Variants in FHIT observed in about 807,000 individuals in gnomAD.
FHIT encodes fragile histidine triad diadenosine triphosphatase, also known as bis(5'-adenosyl)-triphosphatase.
A neutral mutation model predicts 17.9 loss-of-function variants in FHIT; 19 were observed. The ratio of observed to expected loss-of-function variants is 1.06; its 90% confidence interval spans 0.74 to 1.56. FHIT has a LOEUF of 1.56. FHIT is among the 40% of genes most tolerant of loss of function. The pLI is 0.00. For synonymous variants in FHIT, 81 were observed against 69.7 expected (o/e 1.16, Z -0.81); for missense variants, 248 against 189.2 (o/e 1.31, Z -1.82).
rs527870619 is a variant in FHIT, at chr3:60,956,908, A to G, written c.-111+85139T>C. Among the ~76,000 whole-genome samples the G allele has an allele frequency of 4.0e-4, 57 of 142,134 alleles. 1 individual carries two copies. Among genetic ancestry groups the G allele is most frequent in the South Asian group, 2.4e-3 (10 of 4,216 alleles). The allele number at this position is 142,134 out of a possible 152,430, so 93.2% of individuals were successfully genotyped here. ...ACAAAAAATGAATTGTGAATATTTC[A>G]GTTTCGGGGGGTCACACTGGGCAAA... is the stretch of plus-strand genomic sequence containing the variant. On this transcript the variant is annotated intron_variant, in intron 3 of 9. Coordinates refer to ENST00000492590, the MANE Select transcript of FHIT (RefSeq NM_002012.4).
intron 5 of FHIT, among the ~76,000 whole-genome samples, chr3:60,062,498 C>G (rs1372063939): frequency 6.6e-6 from 1 of 152,114 alleles, no homozygotes; most frequent in Non-Finnish European, 1.5e-5. Context: ...GAAAATAAAG[C>G]TTCAAAACTT....
chr3:60,920,308 G>A (rs939183565), intron 3 of FHIT, among the ~76,000 whole-genome samples: 7 of 152,080 alleles, frequency 4.6e-5, no homozygotes, highest in Non-Finnish European at 1.0e-4. Flanking sequence ...TGAGAGAAAA[G>A]CTTAAGATTG....
chr3:60,451,551 G>T (rs912468223), intron 5 of FHIT, among the ~76,000 whole-genome samples: 2 of 152,106 alleles, frequency 1.3e-5, no homozygotes, highest in Admixed American at 6.6e-5. Context: ...GAAGTTGTAT[G>T]AATGCAAAAT....
At chr3:60,365,132 C>T (rs1700055453) in intron 5 of FHIT, among the ~76,000 whole-genome samples, 1 of 148,456 alleles carries the variant, frequency 6.7e-6, no homozygotes, top group Non-Finnish European at 1.5e-5. Context: ...AATACTAAGA[C>T]CTATATATAC....
At chr3:60,122,071 T>C (rs1705282448) in intron 5 of FHIT, among the ~76,000 whole-genome samples, 1 of 144,860 alleles carries the variant, frequency 6.9e-6, no homozygotes, top group African/African-American at 2.6e-5. Context: ...AATGAGAGAA[T>C]GCACAAAAGT....
intron 5 of FHIT, among the ~76,000 whole-genome samples, chr3:60,183,899 C>T (rs1045038714): frequency 4.6e-5 from 7 of 152,096 alleles, no homozygotes; most frequent in Non-Finnish European, 2.9e-5. Flanking sequence ...ATATGCCACA[C>T]CTAGTTTCCA....
At chr3:60,783,096 G>T (rs1268929803) in intron 4 of FHIT, among the ~76,000 whole-genome samples, 1 of 152,036 alleles carries the variant, frequency 6.6e-6, no homozygotes, top group Non-Finnish European at 1.5e-5. Context: ...TGATTTTCCT[G>T]TCTCAGCCTC....
At chr3:59,967,056 AAC>A (rs142948532) in intron 7 of FHIT, among the ~76,000 whole-genome samples, 2 of 151,606 alleles carry the variant, frequency 1.3e-5, no homozygotes, top group Non-Finnish European at 2.9e-5. Flanking sequence ...GTTAAAAACC[AAC>A]ACACACACAC....
At chr3:60,114,036 AATATATATATATATATATATAT>A (rs1157736530) in intron 5 of FHIT, among the ~76,000 whole-genome samples, 17 of 10,220 alleles carry the variant, frequency 1.7e-3, no homozygotes, top group African/African-American at 3.6e-3. Context: ...AAAAAAAAAA[AATATATATATATATATATATAT>A]ATATATATAT....
At chr3:60,465,003 G>A (rs771318310) in intron 5 of FHIT, among the ~76,000 whole-genome samples, 1 of 151,954 alleles carries the variant, frequency 6.6e-6, no homozygotes, top group Non-Finnish European at 1.5e-5. Context: ...TTTTCTCAAC[G>A]TCCTCTCCAG....
rs1279161505 is a variant in FHIT at position 61,142,266 on chromosome 3, G to T, written c.-164+58351C>A. 3.3e-5 allele frequency among the ~76,000 whole-genome samples: 5 copies of T among 151,286 alleles called. No homozygotes were observed. The Admixed American group carries it at 3.3e-4, about 10-fold the overall frequency. On this transcript the variant is annotated intron_variant, in intron 2 of 9. Coordinates refer to ENST00000492590, the MANE Select transcript of FHIT (RefSeq NM_002012.4). ...TCCTCTGATTCCCTTTTCTCCCAGG[G>T]ACTAAAACTTTAGTCTGCTGAGTCA...
chr3:60,706,598 G>GT (rs2041379395), intron 4 of FHIT, among the ~76,000 whole-genome samples: 1 of 152,008 alleles, frequency 6.6e-6, no homozygotes, highest in Non-Finnish European at 1.5e-5. Flanking sequence ...CCTTTTAAAC[G>GT]TTTGGGAACA....
In FHIT at chr3:60,187,899, A is replaced by C. The variant is rs866635318; in HGVS notation, c.104-173747T>G. ...TAAAATTGTGCTTTTAAAAAATTAC[A>C]ATTCTACCTATTTATGTGGGGATTT... On this transcript the variant is annotated intron_variant, in intron 5 of 9. Coordinates refer to ENST00000492590, the MANE Select transcript of FHIT (RefSeq NM_002012.4). Among the ~76,000 whole-genome samples the C allele has an allele frequency of 1.2e-3, 176 of 152,240 alleles. 7 individuals are homozygous for C. Among genetic ancestry groups the C allele is most frequent in the Middle Eastern group, 3.4e-3 (1 of 294 alleles).
At chr3:60,288,288 C>G (rs983624091) in intron 5 of FHIT, among the ~76,000 whole-genome samples, 1 of 152,080 alleles carries the variant, frequency 6.6e-6, no homozygotes, top group Non-Finnish European at 1.5e-5. Flanking sequence ...TCACTGTATT[C>G]TACTGGTCAA....
chr3:61,213,851 C>G (rs953960989), intron 1 of FHIT, among the ~76,000 whole-genome samples: 1 of 152,226 alleles, frequency 6.6e-6, no homozygotes, highest in Non-Finnish European at 1.5e-5. Context: ...GATTAAGAAT[C>G]TCACTCAAAA....
chr3:59,806,808 A>G (rs1700224058), intron 8 of FHIT, among the ~76,000 whole-genome samples: 1 of 152,100 alleles, frequency 6.6e-6, no homozygotes, highest in Non-Finnish European at 1.5e-5. Flanking sequence ...CTCAAACCAA[A>G]TTATCACTGG....
At chr3:60,468,191 T>C (rs1318720659) in intron 5 of FHIT, among the ~76,000 whole-genome samples, 3 of 152,080 alleles carry the variant, frequency 2.0e-5, no homozygotes, top group Non-Finnish European at 4.4e-5. Flanking sequence ...CTTTATATTA[T>C]AGGCGAAGTG....
chr3:60,301,664 T>A (rs973550340), intron 5 of FHIT, among the ~76,000 whole-genome samples: 1 of 152,188 alleles, frequency 6.6e-6, no homozygotes, highest in African/African-American at 2.4e-5. Context: ...ACTTAGAATC[T>A]AAAAATTGTT....
At chr3:60,380,580 AG>A (rs1460959240) in intron 5 of FHIT, among the ~76,000 whole-genome samples, 1 of 152,192 alleles carries the variant, frequency 6.6e-6, no homozygotes, top group Non-Finnish European at 1.5e-5. Context: ...TGGGAAAAAG[AG>A]GGTACAGATT....
Sources: gnomAD v4.1 joint callset for allele counts (sites outside exome capture counted in the v4.1 genomes callset) on GRCh38, gnomAD v4.1.1 for gene constraint, MANE v1.5 for transcripts, NCBI Gene and HGNC (gene_info 2026-07-23, HGNC 2026-07-21) for gene names.